Variants in ADPRS observed in about 807,000 individuals in gnomAD.
ADPRS encodes the protein ADP-ribosylserine hydrolase.
In ADPRS, 25 loss-of-function variants were observed where a neutral mutation model predicts 32.1. That is an observed-to-expected ratio of 0.78 (90% CI 0.57 to 1.09). The LOEUF is 1.09. Among genes scored for constraint, ADPRS ranks in the 50% least tolerant of loss-of-function variants. The pLI is 0.00. For synonymous variants in ADPRS, 225 were observed against 201.0 expected, an observed-to-expected ratio of 1.12 and a Z score of -1.01; for missense variants, 482 against 480.6, an observed-to-expected ratio of 1.00 and a Z score of -0.03.
In ADPRS at chr1:36,088,968, C is replaced by T. The variant is rs1276696957; in HGVS notation, c.64C>T (p.Arg22Cys). The change falls in exon 1 of 6, where the codon CGC becomes TGC. Residue 22 changes from arginine to cysteine, a missense_variant. Arg to Cys is a radical substitution (Grantham distance 180). Coordinates refer to ENST00000373178, the MANE Select transcript of ADPRS (RefSeq NM_017825.3). ...GGCTGGCGCGGCCCGCTCCCTCTCG[C>T]GCTTCCGAGGCTGCCTGGCTGGCGC... ...GGAGAARSLSRFRGCLAGALL... is the reference protein window; with the variant it reads ...GGAGAARSLSCFRGCLAGALL... 1.3e-6 allele frequency: 2 copies of T among 1,499,128 alleles called. No individual in the cohort carries two copies. The highest frequency in any genetic ancestry group is 1.3e-5 in the South Asian group (1 of 77,396). The allele number at this position is 1,499,128 out of a possible 1,614,324, so 92.9% of individuals were successfully genotyped here.
At position 36,093,178 on chromosome 1, in the gene ADPRS, C is replaced by G; in HGVS notation, c.884C>G (p.Pro295Arg). 1.2e-6 allele frequency: 2 copies of G among 1,614,226 alleles called. No homozygotes were observed. The highest frequency in any genetic ancestry group is 1.7e-6 in the Non-Finnish European group (2 of 1,180,050). Residue 295 changes from proline (P) to arginine (R), a missense_variant, in exon 6 of 6, where the codon CCT becomes CGT. Pro to Arg is a moderately radical substitution (Grantham distance 103). Coordinates refer to ENST00000373178, the MANE Select transcript of ADPRS (RefSeq NM_017825.3). ...TGCATGGAGCCAGACCCTGAGATCCCTTCTGCCTTCAATAGCCTCCAAAGG... is the reference window on the plus strand; with the variant it reads ...TGCATGGAGCCAGACCCTGAGATCCGTTCTGCCTTCAATAGCCTCCAAAGG... ...LRCMEPDPEI[P>R]SAFNSLQRTL...
At chr1:36,091,129 A>C in intron 1 of ADPRS, 115 bp from the exon 2 acceptor site, 50 of 698,802 alleles carry the variant, frequency 7.2e-5, no homozygotes, top group Non-Finnish European at 9.8e-5. Flanking sequence ...TGATTGCACC[A>C]GTGCACTCCA....
Position 36,089,027 on chromosome 1 carries a change from G to T in ADPRS, c.123G>T (p.Glu41Asp). ...GGGACTGCGTGGGCTCCTTCTACGA[G>T]GCCCACGACACCGTCGACCTGACGT... ...LLGDCVGSFY[E>D]AHDTVDLTSV... Residue 41 changes from glutamate (E) to aspartate (D), a missense_variant, in exon 1 of 6, where the codon GAG becomes GAT. By Grantham distance (45) the Glu-to-Asp change is conservative. Transcript: ENST00000373178. 6.8e-7 allele frequency: 1 copy of T among 1,474,908 alleles called. No individual in the cohort carries two copies. Among genetic ancestry groups the T allele is most frequent in the Non-Finnish European group, 8.9e-7 (1 of 1,117,352 alleles). 91.4% of individuals were successfully genotyped at this position (1,474,908 alleles called of 1,614,324 possible). A position where few individuals can be genotyped will look rare whatever the true frequency, so the allele number is the denominator to read the frequency against.
In ADPRS at chr1:36,089,808, A is replaced by G. The variant is rs932596228; in HGVS notation, c.211+693A>G. Among the ~76,000 whole-genome samples, 4 of 152,280 alleles carry G rather than the reference A, an allele frequency of 2.6e-5. No individual in the cohort carries two copies. In the East Asian group the frequency reaches 7.7e-4, roughly 29 times the overall value. Reference sequence around the variant, plus strand: ...CTGCTCTTCGGTTCCTCACACCATGATTCCTCTAGGCCAGGCGTTTGCATG... The same window carrying G: ...CTGCTCTTCGGTTCCTCACACCATGGTTCCTCTAGGCCAGGCGTTTGCATG... On this transcript the variant is annotated intron_variant, in intron 1 of 5. Coordinates refer to ENST00000373178, the MANE Select transcript of ADPRS (RefSeq NM_017825.3).
At chr1:36,092,727 A>AGT (rs1643501952) in intron 5 of ADPRS, among the ~76,000 whole-genome samples, 3 of 152,234 alleles carry the variant, frequency 2.0e-5, no homozygotes, top group Non-Finnish European at 1.5e-5. Flanking sequence ...CAGAAATGGC[A>AGT]GCTGGCCACT....
Position 36,091,790 on chromosome 1 carries a change from T to C in ADPRS, c.481T>C (p.Ser161Pro), listed in dbSNP as rs142886947. Residue 161 changes from serine (S) to proline (P), a missense_variant, in exon 3 of 6, where the codon TCC (serine) becomes CCC (proline). By Grantham distance (74) the Ser-to-Pro change is moderately conservative. Transcript: ENST00000373178. ...AGGTGCCATGCGGGTGGCTGGCATC[T>C]CCCTGGCCTATAGCAGTGTCCAGGA... ...NGGAMRVAGISLAYSSVQDVQ... is the reference protein window; with the variant it reads ...NGGAMRVAGIPLAYSSVQDVQ... 6.2e-7 allele frequency: 1 copy of C among 1,610,904 alleles called. No individual in the cohort carries two copies. Among genetic ancestry groups the C allele is most frequent in the Non-Finnish European group, 8.5e-7 (1 of 1,177,942 alleles).
At chr1:36,089,748 G>GTGT (rs1221727490) in intron 1 of ADPRS, among the ~76,000 whole-genome samples, 1 of 152,178 alleles carries the variant, frequency 6.6e-6, no homozygotes, top group Non-Finnish European at 1.5e-5. Flanking sequence ...CCACACGTCT[G>GTGT]CAGTTTCGTT....
At chr1:36,089,152 G>A (rs1482162427) in intron 1 of ADPRS, 37 bp downstream of exon 1, 14 of 1,385,404 alleles carry the variant, frequency 1.0e-5, no homozygotes, top group South Asian at 1.7e-5. Flanking sequence ...GGCCGTGCGG[G>A]AGGGAGGCCG....
chr1:36,092,146 G>T (rs568872693), intron 4 of ADPRS, 52 bp downstream of exon 4: 1 of 1,541,850 alleles, frequency 6.5e-7, no homozygotes, highest in South Asian at 1.2e-5. Context: ...GATCCAGGGG[G>T]CCTCTGGCAT....
Position 36,089,093 on chromosome 1 carries a change from C to A in ADPRS, c.189C>A (p.Gly63=). 7.0e-7 allele frequency: 1 copy of A among 1,430,672 alleles called. No homozygotes were observed. 88.6% of individuals were successfully genotyped at this position (1,430,672 alleles called of 1,614,324 possible). A position where few individuals can be genotyped will look rare whatever the true frequency, so the allele number is the denominator to read the frequency against. ...TCCAGAGTCTGGAGCCGGACCCCGG[C>A]ACGCCCGGGAGTGAGCGGACAGGTG... ...RHVQSLEPDP[G]TPGSERTEAL... Residue 63 remains glycine, a synonymous_variant, in exon 1 of 6, where the codon GGC becomes GGA. Coordinates refer to ENST00000373178, the MANE Select transcript of ADPRS (RefSeq NM_017825.3).
At chr1:36,092,751 T>G (rs1643502339) in intron 5 of ADPRS, among the ~76,000 whole-genome samples, 1 of 152,168 alleles carries the variant, frequency 6.6e-6, no homozygotes, top group South Asian at 2.1e-4. Flanking sequence ...CGTAAAAATG[T>G]TGATAATGGA....
intron 1 of ADPRS, among the ~76,000 whole-genome samples, chr1:36,090,525 A>G (rs1373446477): frequency 2.6e-5 from 4 of 152,014 alleles, no homozygotes; most frequent in African/African-American, 9.7e-5. Context: ...TGGGAGTGAG[A>G]AACTGATTTG....
intron 2 of ADPRS, 110 bp from the exon 3 acceptor site, chr1:36,091,508 C>T: frequency 8.1e-7 from 1 of 1,235,858 alleles, no homozygotes; most frequent in Non-Finnish European, 1.1e-6. Context: ...GGTGCAGGCT[C>T]CTTAGGCCCC....
rs576720144 is a variant in ADPRS at position 36,093,546 on chromosome 1, T to C, written c.*160T>C. ...CTGGGGTCTCTGCAGGGGAGGTCAC[T>C]GGAACAGCGAGCAAGGGACTGGTGC... is the stretch of plus-strand genomic sequence containing the variant. On this transcript the variant is annotated 3_prime_UTR_variant, in exon 6 of 6. Transcript: ENST00000373178. 51 of 947,976 alleles carry C rather than the reference T, an allele frequency of 5.4e-5. No homozygotes were observed. The African/African-American group carries it at 8.3e-4, about 15-fold the overall frequency. 58.7% of individuals were successfully genotyped at this position (947,976 alleles called of 1,614,324 possible).
Position 36,093,480 on chromosome 1 carries a change from CT to C in ADPRS, c.*98del. 2 of 1,494,868 alleles carry C rather than the reference CT, an allele frequency of 1.3e-6. No individual in the cohort carries two copies. Among genetic ancestry groups the C allele is most frequent in the East Asian group, 2.3e-5 (1 of 43,814 alleles). The allele number at this position is 1,494,868 out of a possible 1,614,324, so 92.6% of individuals were successfully genotyped here. The stretch of plus-strand genomic sequence containing the variant: ...GCGCTTCCTTGAGTGTGGCTTCCCA[CT>C]TTTCCTGCATTGTGGAGCTGACTGA... On this transcript the variant is annotated 3_prime_UTR_variant, in exon 6 of 6. Transcript: ENST00000373178.
At position 36,091,741 on chromosome 1, in the gene ADPRS, C is replaced by T. The variant is rs1643486959; in HGVS notation, c.432C>T (p.Asn144=). 5 of 1,613,660 alleles carry T rather than the reference C, an allele frequency of 3.1e-6. No individual in the cohort carries two copies. Among genetic ancestry groups the T allele is most frequent in the Non-Finnish European group, 3.4e-6 (4 of 1,179,804 alleles). ...DVFEPARAQF[N]GKGSYGNGGA... is the part of the protein sequence containing the mutation. ...TTGAGCCTGCCCGGGCCCAGTTTAA[C>T]GGGAAAGGCTCCTATGGCAATGGAG... Residue 144 remains asparagine, a synonymous_variant, in exon 3 of 6, where the codon AAC becomes AAT. Transcript: ENST00000373178.
intron 1 of ADPRS, 134 bp from the exon 2 acceptor site, chr1:36,091,110 A>C (rs768987280): frequency 7.6e-6 from 5 of 659,270 alleles, no homozygotes; most frequent in African/African-American, 1.8e-5. Flanking sequence ...TCAAGACTGC[A>C]GTGAGCCATG....
In ADPRS at chr1:36,093,542, T is replaced by C; in HGVS notation, c.*156T>C. On this transcript the variant is annotated 3_prime_UTR_variant, in exon 6 of 6. Coordinates refer to ENST00000373178, the MANE Select transcript of ADPRS (RefSeq NM_017825.3). ...GAGGCTGGGGTCTCTGCAGGGGAGG[T>C]CACTGGAACAGCGAGCAAGGGACTG... 2.0e-6 allele frequency: 2 copies of C among 994,334 alleles called. No individual in the cohort carries two copies. Among genetic ancestry groups the C allele is most frequent in the South Asian group, 1.7e-5 (1 of 57,960 alleles). 61.6% of individuals were successfully genotyped at this position (994,334 alleles called of 1,614,324 possible). A position where few individuals can be genotyped will look rare whatever the true frequency, so the allele number is the denominator to read the frequency against.
chr1:36,092,357 C>T, intron 4 of ADPRS, 65 bp from the exon 5 acceptor site: 1 of 1,502,300 alleles, frequency 6.7e-7, no homozygotes. Flanking sequence ...ACATGCAGCC[C>T]TCTCCCCTGC....
Sources: allele counts gnomAD v4.1 joint callset (sites outside exome capture counted in the v4.1 genomes callset), GRCh38; gene constraint gnomAD v4.1.1; transcripts MANE v1.5; gene names NCBI Gene and HGNC (gene_info 2026-07-23, HGNC 2026-07-21).